Variants in AMY2B observed in about 807,000 individuals in gnomAD.
The protein encoded by AMY2B is alpha-amylase 2B.
In AMY2B, 63 loss-of-function variants were observed where a neutral mutation model predicts 59.3. The observed-to-expected ratio is 1.06, with a 90% CI of 0.87 to 1.31. The LOEUF (loss-of-function observed/expected upper bound fraction) is 1.31. Among genes scored for constraint, AMY2B ranks in the 50% most tolerant of loss-of-function variants. The pLI, the probability that AMY2B is intolerant of heterozygous loss-of-function variation, is 0.00. For missense variants in AMY2B, 635 were observed against 626.7 expected, an observed-to-expected ratio of 1.01 and a Z score of -0.14; for synonymous variants, 180 against 198.1, an observed-to-expected ratio of 0.91 and a Z score of 0.77.
chr1:103,573,019 T>G (rs1652196204), intron 2 of AMY2B, 44 bp from the exon 3 acceptor site: 1 of 1,611,970 alleles, frequency 6.2e-7, no homozygotes, highest in South Asian at 1.1e-5. Flanking sequence ...TTTAAATTTC[T>G]GCCTCTCTGT....
In AMY2B at chr1:103,579,337, G is replaced by C. The variant is rs761321408; in HGVS notation, c.1373G>C (p.Gly458Ala). 9.9e-6 allele frequency: 16 copies of C among 1,611,682 alleles called. No individual in the cohort carries two copies. Among genetic ancestry groups the C allele is most frequent in the Non-Finnish European group, 1.2e-5 (14 of 1,179,686 alleles). ...DWTFSLTLQT[G>A]LPAGTYCDVI... The stretch of plus-strand genomic sequence containing the variant: ...ACATTTTCTTTAACTTTGCAAACTG[G>C]TCTTCCTGCTGGCACATACTGTGAT... Residue 458 changes from glycine to alanine, a missense_variant, in exon 10 of 10, where the codon GGT becomes GCT. Gly to Ala is a moderately conservative substitution (Grantham distance 60). Coordinates refer to ENST00000684275, the MANE Select transcript of AMY2B (RefSeq NM_001387437.1).
chr1:103,562,697 GTTAA>G (rs1651773628), intron 1 of AMY2B, among the ~76,000 whole-genome samples: 1 of 103,618 alleles, frequency 9.7e-6, no homozygotes, highest in Non-Finnish European at 1.9e-5. Context: ...TTTTGTCAAT[GTTAA>G]TTCATTTGCA....
intron 2 of AMY2B, among the ~76,000 whole-genome samples, chr1:103,565,861 A>G (rs1268235936): frequency 6.6e-6 from 1 of 152,124 alleles, no homozygotes; most frequent in Non-Finnish European, 1.5e-5. Context: ...GATTTCTGTC[A>G]CTGCTCTGCT....
chr1:103,559,629 T>C (rs1651671001), intron 1 of AMY2B, among the ~76,000 whole-genome samples: 1 of 151,978 alleles, frequency 6.6e-6, no homozygotes, highest in Admixed American at 6.6e-5. Context: ...ACTGGAAACA[T>C]TCAATAAGAA....
intron 1 of AMY2B, among the ~76,000 whole-genome samples, chr1:103,556,756 C>A (rs1235702424): frequency 1.3e-5 from 2 of 151,948 alleles, no homozygotes; most frequent in African/African-American, 2.4e-5. Flanking sequence ...AGATTGAAAG[C>A]ATTATCTAAA....
intron 9 of AMY2B, among the ~76,000 whole-genome samples, chr1:103,578,607 A>T (rs1389887393): frequency 6.6e-6 from 1 of 152,142 alleles, no homozygotes; most frequent in Non-Finnish European, 1.5e-5. Flanking sequence ...TAAATACATA[A>T]ATCTAGTTGA....
chr1:103,574,971 G>A lies in AMY2B; in HGVS notation c.879-252G>A, dbSNP rs180803699. ...ATAAGTATTCCATACTTGTATATAC[G>A]AATATAGACTACATATGTAGATTAC... On this transcript the variant is annotated intron_variant, in intron 5 of 9. Coordinates refer to ENST00000684275, the MANE Select transcript of AMY2B (RefSeq NM_001387437.1). Among the ~76,000 whole-genome samples the A allele has an allele frequency of 4.0e-5, 6 of 150,196 alleles. No individual in the cohort carries two copies. In the East Asian group the frequency reaches 5.9e-4, roughly 15 times the overall value.
chr1:103,560,567 G>A (rs866841326), intron 1 of AMY2B, among the ~76,000 whole-genome samples: 7 of 152,052 alleles, frequency 4.6e-5, no homozygotes, highest in Admixed American at 2.6e-4. Flanking sequence ...CACATTTTCT[G>A]TTTTGTTAAT....
At chr1:103,565,452 T>C (rs576875105) in exon 2 of AMY2B, 3 of 152,466 alleles carry the variant, frequency 2.0e-5, no homozygotes, top group African/African-American at 7.2e-5. Context: ...AATCTGGCGA[T>C]GTGGAACCCA....
At chr1:103,574,224 T>G (rs780628135) in intron 4 of AMY2B, 36 bp from the exon 5 acceptor site, 5 of 1,611,498 alleles carry the variant, frequency 3.1e-6, no homozygotes, top group Non-Finnish European at 3.4e-6. Flanking sequence ...TTAAAGTCCT[T>G]ATGCAAAATG....
At chr1:103,574,525 T>C in intron 5 of AMY2B, 132 bp downstream of exon 5, 3 of 1,537,936 alleles carry the variant, frequency 2.0e-6, no homozygotes, top group African/African-American at 2.7e-5. Flanking sequence ...ATAAGTATTC[T>C]AGTGCCCTAA....
upstream of AMY2B, among the ~76,000 whole-genome samples, chr1:103,567,589 C>G (rs1052784816): frequency 9.2e-5 from 14 of 152,210 alleles, no homozygotes; most frequent in Non-Finnish European, 1.3e-4. Context: ...CTTTCCTGGA[C>G]CACTGTAAAA....
chr1:103,565,201 A>T (rs888591898), intron 1 of AMY2B: 1 of 152,210 alleles, frequency 6.6e-6, no homozygotes. Context: ...CCTCCCATGG[A>T]TACCAAAATC....
At chr1:103,569,794 CAT>C, upstream of AMY2B, 1 of 452,144 alleles carries the variant, frequency 2.2e-6, no homozygotes, top group Non-Finnish European at 4.5e-6. Context: ...ACTGGGATGA[CAT>C]AGAGAAGATC....
chr1:103,574,859 C>T (rs1444683794), intron 5 of AMY2B, among the ~76,000 whole-genome samples: 1 of 151,286 alleles, frequency 6.6e-6, no homozygotes, highest in Non-Finnish European at 1.5e-5. Flanking sequence ...GATATTGATC[C>T]TTCTGGAGTG....
chr1:103,575,455 C>A lies in AMY2B; in HGVS notation c.1016C>A (p.Ala339Glu). The A allele has an allele frequency of 8.7e-6, 14 of 1,613,422 alleles. No homozygotes were observed. Among genetic ancestry groups the A allele is most frequent in the South Asian group, 2.2e-5 (2 of 91,030 alleles). Residue 339 changes from alanine (A) to glutamate (E), a missense_variant, in exon 7 of 10, where the codon GCA becomes GAA. Ala to Glu is a moderately radical substitution (Grantham distance 107). Coordinates refer to ENST00000684275, the MANE Select transcript of AMY2B (RefSeq NM_001387437.1). ...TFWDARLYKM[A>E]VGFMLAHPYG... ...GTAACTTTCAGGCTGTATAAAATGG[C>A]AGTTGGATTTATGCTTGCTCATCCT...
At chr1:103,557,223 T>C (rs532100914) in intron 1 of AMY2B, among the ~76,000 whole-genome samples, 2 of 152,160 alleles carry the variant, frequency 1.3e-5, no homozygotes, top group South Asian at 2.1e-4. Flanking sequence ...TCAGGAAATA[T>C]ATACCCTGTA....
rs758149990 is a variant in AMY2B at position 103,577,846 on chromosome 1, G to A, written c.1346+1G>A. 6.2e-7 allele frequency: 1 copy of A among 1,601,916 alleles called. No homozygotes were observed. The highest frequency in any genetic ancestry group is 8.5e-7 in the Non-Finnish European group (1 of 1,179,686). On this transcript the variant is annotated splice_donor_variant, in intron 9 of 9. Transcript: ENST00000684275. LOFTEE classifies it high-confidence loss of function. Reference sequence around the variant, plus strand: ...TCATTGTTTTCAACAATGATGACTGGTAAGTACATATCAATTAAAAATAAT... The same window carrying A: ...TCATTGTTTTCAACAATGATGACTGATAAGTACATATCAATTAAAAATAAT...
chr1:103,556,974 G>A (rs1178297055), intron 1 of AMY2B, among the ~76,000 whole-genome samples: 2 of 151,994 alleles, frequency 1.3e-5, no homozygotes, highest in African/African-American at 4.8e-5. Context: ...GTAGATATGT[G>A]AGCTAACCCC....
Sources: allele counts gnomAD v4.1 joint callset (sites outside exome capture counted in the v4.1 genomes callset), GRCh38; gene constraint gnomAD v4.1.1; transcripts MANE v1.5; gene names NCBI Gene and HGNC (gene_info 2026-07-23, HGNC 2026-07-21).